PELI2: variants seen among roughly 807,000 people sequenced by gnomAD.
PELI2 encodes the protein pellino E3 ubiquitin protein ligase family member 2.
Under a neutral mutation model 42.3 loss-of-function variants are expected in PELI2, and 23 were observed. The ratio of observed to expected loss-of-function variants is 0.54; its 90% confidence interval spans 0.39 to 0.77. The LOEUF (loss-of-function observed/expected upper bound fraction) is 0.77. PELI2 is among the 30% of genes least tolerant of loss of function. The probability of loss-of-function intolerance (pLI) is 0.00; values close to 1 mark genes in which losing one functional copy is unlikely to be tolerated. For missense variants in PELI2, 463 were observed against 553.2 expected (o/e 0.84, Z 1.64); for synonymous variants, 245 against 212.2 (o/e 1.15, Z -1.34).
At chr14:56,270,390 A>C (rs1180876034) in intron 2 of PELI2, among the ~76,000 whole-genome samples, 1 of 152,208 alleles carries the variant, frequency 6.6e-6, no homozygotes, top group Non-Finnish European at 1.5e-5. Flanking sequence ...TCCTCTCTTT[A>C]GAAATAGTAC....
intron 2 of PELI2, among the ~76,000 whole-genome samples, chr14:56,218,808 A>G (rs1306102850): frequency 6.6e-6 from 1 of 152,192 alleles, no homozygotes; most frequent in African/African-American, 2.4e-5. Context: ...ACAAAAAGCA[A>G]GAGAGCTATT....
chr14:56,197,916 GACACAC>G lies in PELI2; in HGVS notation c.207+19479_207+19484del, dbSNP rs55861626. On this transcript the variant is annotated intron_variant, in intron 2 of 5. Coordinates refer to ENST00000267460, the MANE Select transcript of PELI2 (RefSeq NM_021255.3). The surrounding 1 kb of genome is among the most constrained non-coding windows in gnomAD (Gnocchi z 4.9). ...CACACCAGGAATGGTGACTGGTGAA[GACACAC>G]ACACACACACACACACACACACACA... 0.44 allele frequency among the ~76,000 whole-genome samples: 60,584 copies of G among 137,978 alleles called. 14,863 individuals are homozygous for G. The highest frequency in any genetic ancestry group is 0.61 in the South Asian group (2,497 of 4,110). 90.5% of individuals were successfully genotyped at this position (137,978 alleles called of 152,430 possible).
intron 1 of PELI2, among the ~76,000 whole-genome samples, chr14:56,164,843 C>G (rs1884893248): frequency 6.6e-6 from 1 of 152,048 alleles, no homozygotes; most frequent in Non-Finnish European, 1.5e-5. Context: ...ATGATAGCCA[C>G]TAATGATCAT....
At chr14:56,257,078 T>C (rs1888551545) in intron 2 of PELI2, among the ~76,000 whole-genome samples, 1 of 152,210 alleles carries the variant, frequency 6.6e-6, no homozygotes, top group Non-Finnish European at 1.5e-5. Flanking sequence ...ATTAATAGTA[T>C]ATAGTGGGCA....
intron 1 of PELI2, chr14:56,119,831 A>G (rs1882997906): frequency 1.0e-6 from 1 of 985,250 alleles, no homozygotes; most frequent in Non-Finnish European, 1.2e-6. Context: ...GCGTTGAAAG[A>G]CCTGTATTCA....
At chr14:56,256,292 T>C (rs1298857779) in intron 2 of PELI2, among the ~76,000 whole-genome samples, 1 of 151,794 alleles carries the variant, frequency 6.6e-6, no homozygotes, top group African/African-American at 2.4e-5. Flanking sequence ...AAATATTAGC[T>C]GGGCATGGTG....
chr14:56,171,503 C>T (rs1594607154), intron 1 of PELI2, among the ~76,000 whole-genome samples: 1 of 152,304 alleles, frequency 6.6e-6, no homozygotes, highest in Non-Finnish European at 1.5e-5. Flanking sequence ...ACAAAACATA[C>T]TAAGATAATG....
At chr14:56,234,444 C>CT (rs1188051133) in intron 2 of PELI2, among the ~76,000 whole-genome samples, 2 of 152,164 alleles carry the variant, frequency 1.3e-5, no homozygotes, top group African/African-American at 4.8e-5. Flanking sequence ...AGTTCATGTC[C>CT]TTTGTAGGGA....
intron 1 of PELI2, among the ~76,000 whole-genome samples, chr14:56,126,591 C>T (rs916615050): frequency 5.9e-5 from 9 of 152,142 alleles, no homozygotes; most frequent in Non-Finnish European, 7.3e-5. Flanking sequence ...AACGGCTGAT[C>T]GTGATTACCA....
At position 56,157,648 on chromosome 14, in the gene PELI2, ATTTG is replaced by A. The variant is rs559193140; in HGVS notation, c.78-20682_78-20679del. Among the ~76,000 whole-genome samples, 7 of 152,268 alleles carry A rather than the reference ATTTG, an allele frequency of 4.6e-5. No homozygotes were observed. In the East Asian group the frequency reaches 1.4e-3, roughly 29 times the overall value. The stretch of plus-strand genomic sequence containing the variant: ...CAATTAAGTATCTCCTTAGTAAGTA[ATTTG>A]TTTGGCTGTTGTCCATTAATGTTCA... On this transcript the variant is annotated intron_variant, in intron 1 of 5. Coordinates refer to ENST00000267460, the MANE Select transcript of PELI2 (RefSeq NM_021255.3).
chr14:56,279,007 A>G (rs946827432), intron 2 of PELI2, among the ~76,000 whole-genome samples: 2 of 152,188 alleles, frequency 1.3e-5, no homozygotes, highest in Non-Finnish European at 2.9e-5. Context: ...ATGATATCAT[A>G]TTATTCCTAG....
At chr14:56,195,157 A>G (rs1886088023) in intron 2 of PELI2, among the ~76,000 whole-genome samples, 1 of 152,188 alleles carries the variant, frequency 6.6e-6, no homozygotes, top group Admixed American at 6.5e-5. Flanking sequence ...CAAGCTAAAT[A>G]AGTCTAGAGG....
rs539786299 is a variant in PELI2, at chr14:56,125,817, C to T, written c.77+7080C>T. On this transcript the variant is annotated intron_variant, in intron 1 of 5. Coordinates refer to ENST00000267460, the MANE Select transcript of PELI2 (RefSeq NM_021255.3). Reference sequence around the variant, plus strand: ...TGAGGGTAGGAACCTTGACTTCCCCCCTCCTTGGAATGCTGGGCTTCCCTT... The same window carrying T: ...TGAGGGTAGGAACCTTGACTTCCCCTCTCCTTGGAATGCTGGGCTTCCCTT... Among the ~76,000 whole-genome samples, 17 of 152,252 alleles carry T rather than the reference C, an allele frequency of 1.1e-4. No homozygotes were observed. The South Asian group carries it at 3.1e-3, about 28-fold the overall frequency.
At chr14:56,249,241 A>G (rs948301378) in intron 2 of PELI2, among the ~76,000 whole-genome samples, 6 of 125,106 alleles carry the variant, frequency 4.8e-5, no homozygotes, top group Non-Finnish European at 5.6e-5. Context: ...TGTGCCAGGC[A>G]GGGATAGGGG....
At chr14:56,174,052 C>G (rs1294430318) in intron 1 of PELI2, among the ~76,000 whole-genome samples, 1 of 152,146 alleles carries the variant, frequency 6.6e-6, no homozygotes, top group Non-Finnish European at 1.5e-5. Flanking sequence ...CAGGCATGTG[C>G]TATCATGCCC....
Position 56,291,201 on chromosome 14 carries a change from A to G in PELI2, c.696+745A>G, listed in dbSNP as rs74052124. Among the ~76,000 whole-genome samples the G allele has an allele frequency of 3.4e-3, 519 of 152,344 alleles. 2 individuals carry two copies. Among genetic ancestry groups the G allele is most frequent in the African/African-American group, 0.012 (485 of 41,582 alleles). On this transcript the variant is annotated intron_variant, in intron 5 of 5. Coordinates refer to ENST00000267460, the MANE Select transcript of PELI2 (RefSeq NM_021255.3). ...TTTCTTAATTTGCTAGGTAGAAGCT[A>G]GAACGAGAGAGAACAAATGTCTTTT...
intron 2 of PELI2, among the ~76,000 whole-genome samples, chr14:56,248,816 C>A (rs1888246513): frequency 6.6e-6 from 1 of 151,494 alleles, no homozygotes; most frequent in African/African-American, 2.4e-5. Context: ...TGTTGAAAAC[C>A]CTCCCCGGGG....
intron 2 of PELI2, among the ~76,000 whole-genome samples, chr14:56,233,038 A>G (rs951720463): frequency 1.3e-5 from 2 of 152,150 alleles, no homozygotes; most frequent in African/African-American, 4.8e-5. Flanking sequence ...CTAGGAATCC[A>G]ACTTACAGGG....
chr14:56,186,114 T>C (rs865932296), intron 2 of PELI2, among the ~76,000 whole-genome samples: 5 of 152,114 alleles, frequency 3.3e-5, no homozygotes, highest in African/African-American at 1.2e-4. Flanking sequence ...AGAAGACTCA[T>C]GAGATGTGAG....
Sources: gnomAD v4.1 joint callset for allele counts (sites outside exome capture counted in the v4.1 genomes callset) on GRCh38, gnomAD v4.1.1 for gene constraint, Gnocchi (gnomAD v3.1) non-coding constraint, MANE v1.5 for transcripts, NCBI Gene and HGNC (gene_info 2026-07-23, HGNC 2026-07-21) for gene names.